Variants in ODF2 observed in about 807,000 individuals in gnomAD.
ODF2 encodes the protein outer dense fiber protein 2.
Under a neutral mutation model 110.2 loss-of-function variants are expected in ODF2, and 47 were observed. That is an observed-to-expected ratio of 0.43 (90% CI 0.34 to 0.54). ODF2 has a LOEUF of 0.54. Ranked by LOEUF, ODF2 falls within the 20% of genes least tolerant of loss-of-function variation. ODF2 has a pLI of 0.03. For synonymous variants in ODF2, 352 were observed against 397.7 expected (o/e 0.89, Z 1.37); for missense variants, 812 against 1,054.5 (o/e 0.77, Z 3.19).
chr9:128,457,060 C>T, intron 1 of ODF2: 1 of 1,313,734 alleles, frequency 7.6e-7, no homozygotes, highest in Non-Finnish European at 9.9e-7. Flanking sequence ...TCAGGTTTCC[C>T]CCGGTAGCCA....
At position 128,485,809 on chromosome 9, in the gene ODF2, C is replaced by T. The variant is rs1392254989; in HGVS notation, c.1400+335C>T. 6.6e-6 allele frequency among the ~76,000 whole-genome samples: 1 copy of T among 152,136 alleles called. No individual in the cohort carries two copies. The highest frequency in any genetic ancestry group is 6.5e-5 in the Admixed American group (1 of 15,270). Reference sequence around the variant, plus strand: ...TTTGAAATGGGCACCGTGGTGTCCTCATTCCTATTGGGGAATGGGGCAGAT... The same window carrying T: ...TTTGAAATGGGCACCGTGGTGTCCTTATTCCTATTGGGGAATGGGGCAGAT... On this transcript the variant is annotated intron_variant, in intron 13 of 20. Transcript: ENST00000604420. This position sits in a 1 kb window ranked among gnomAD's most constrained non-coding sequence, Gnocchi z 5.0.
At chr9:128,483,867 C>T (rs1842887093) in intron 10 of ODF2, 71 bp from the exon 11 acceptor site, 6 of 1,077,102 alleles carry the variant, frequency 5.6e-6, no homozygotes, top group South Asian at 3.7e-5. Context: ...GCCTGGGAAA[C>T]GGAGCAAGAC....
intron 19 of ODF2, 30 bp from the exon 20 acceptor site, chr9:128,498,971 A>G (rs748866111): frequency 6.2e-7 from 1 of 1,612,142 alleles, no homozygotes; most frequent in Non-Finnish European, 8.5e-7. Context: ...CCGGTAAACC[A>G]GTCTCATGTC....
chr9:128,455,900 G>A (rs1468183399), upstream of ODF2: 6 of 1,308,370 alleles, frequency 4.6e-6, no homozygotes, highest in East Asian at 2.8e-5. Flanking sequence ...AAACAGGGCC[G>A]AGCGGGAAAG....
chr9:128,495,448 G>A (rs994556791), intron 17 of ODF2, among the ~76,000 whole-genome samples: 15 of 152,240 alleles, frequency 9.9e-5, no homozygotes, highest in African/African-American at 3.4e-4. Context: ...GCTCTGTCTG[G>A]TTCCCAAGCC....
Position 128,494,394 on chromosome 9 carries a change from T to C in ODF2, c.1753-116T>C. 1.1e-6 allele frequency: 1 copy of C among 878,340 alleles called. No homozygotes were observed. The highest frequency in any genetic ancestry group is 1.7e-5 in the South Asian group (1 of 60,344). 54.4% of individuals were successfully genotyped at this position (878,340 alleles called of 1,614,324 possible). A position where few individuals can be genotyped will look rare whatever the true frequency, so the allele number is the denominator to read the frequency against. ...CTGTGGATTTTGCAGGATCCTCCAC[T>C]GGGGACTGTGTCAGCCCTGCCCTAA... is the stretch of plus-strand genomic sequence containing the variant. On this transcript the variant is annotated intron_variant, in intron 16 of 20. Transcript: ENST00000604420. The surrounding 1 kb of genome is among the most constrained non-coding windows in gnomAD (Gnocchi z 4.6).
At chr9:128,456,523 G>T (rs1459682851) in intron 1 of ODF2, 6 of 1,526,536 alleles carry the variant, frequency 3.9e-6, no homozygotes, top group Non-Finnish European at 5.3e-6. Flanking sequence ...CCGCCCGCGG[G>T]CAGGGCTTCA....
chr9:128,497,442 AAAAAATATATATATATATATATATATAT>A lies in ODF2; in HGVS notation c.2013-969_2013-942del, dbSNP rs1182679532. 13 of 83,228 alleles carry A rather than the reference AAAAAATATATATATATATATATATATAT, an allele frequency of 1.6e-4. 1 individual carries two copies. Among genetic ancestry groups the A allele is most frequent in the East Asian group, 1.1e-3 (3 of 2,718 alleles). The allele number at this position is 83,228 out of a possible 1,614,324, so 5.2% of individuals were successfully genotyped here. On this transcript the variant is annotated intron_variant, in intron 18 of 20. Coordinates refer to ENST00000604420, the Ensembl canonical transcript of ODF2. Reference sequence around the variant, plus strand: ...CTCTACTAAAAAAAAAAAAAAAAAAAAAAAATATATATATATATATATATATATATATATATATATATATGTATAAAAT... The same window carrying A: ...CTCTACTAAAAAAAAAAAAAAAAAAAATATATATATATATATGTATAAAAT...
At chr9:128,472,873 G>A (rs2131791658) in intron 6 of ODF2, 40 bp from the exon 7 acceptor site, 1 of 1,612,022 alleles carries the variant, frequency 6.2e-7, no homozygotes, top group East Asian at 2.2e-5. Flanking sequence ...GGGCATGCGG[G>A]GGCCTGGGAG....
chr9:128,492,824 G>A lies in ODF2; in HGVS notation c.1752+19G>A. 6.3e-7 allele frequency: 1 copy of A among 1,595,526 alleles called. No homozygotes were observed. Among genetic ancestry groups the A allele is most frequent in the South Asian group, 1.1e-5 (1 of 90,548 alleles). On this transcript the variant is annotated intron_variant, in intron 16 of 20. Transcript: ENST00000604420. ...TGAGGCGGTACTGCTTTCCTTCCTTGTTTTCTTCTCCTACCCAATTCCATA... is the reference window on the plus strand; with the variant it reads ...TGAGGCGGTACTGCTTTCCTTCCTTATTTTCTTCTCCTACCCAATTCCATA...
At chr9:128,473,827 G>A in intron 8 of ODF2, 86 bp downstream of exon 8, 1 of 1,322,464 alleles carries the variant, frequency 7.6e-7, no homozygotes, top group South Asian at 1.3e-5. Flanking sequence ...AAGAAAATAA[G>A]ATTGGTGCCC....
In ODF2 at chr9:128,484,039, G is replaced by A. The variant is rs147626439; in HGVS notation, c.1089G>A (p.Leu363=). Residue 363 remains leucine, a synonymous_variant, in exon 11 of 21, where the codon CTG becomes CTA. Transcript: ENST00000604420. ...CCAAAGAGGCTGAGAACAGTCGCCT[G>A]TGCATGCAGATTAAGGTACCTATTG... 9.3e-6 allele frequency: 15 copies of A among 1,611,370 alleles called. No individual in the cohort carries two copies. The African/African-American group carries it at 1.9e-4, about 20-fold the overall frequency.
chr9:128,466,713 C>CA (rs1838016303), intron 4 of ODF2, among the ~76,000 whole-genome samples: 1 of 149,490 alleles, frequency 6.7e-6, no homozygotes, highest in Admixed American at 6.7e-5. Flanking sequence ...CGTGGTGGCT[C>CA]ACGCCTGTAA....
At position 128,498,887 on chromosome 9, in the gene ODF2, A is replaced by T. The variant is rs543934892; in HGVS notation, c.2176-114A>T. 678 of 1,383,840 alleles carry T rather than the reference A, an allele frequency of 4.9e-4. 7 individuals are homozygous for T. The South Asian group carries it at 8.1e-3, about 17-fold the overall frequency. 85.7% of individuals were successfully genotyped at this position (1,383,840 alleles called of 1,614,324 possible). ...CCCAGCGTTCTAGAGAACACAGTCC[A>T]CAATGATGTGCAAGTGCTGTCTGCA... On this transcript the variant is annotated intron_variant, in intron 19 of 20. Transcript: ENST00000604420.
intron 9 of ODF2, 94 bp from the exon 10 acceptor site, chr9:128,482,722 C>T: frequency 5.7e-6 from 5 of 875,336 alleles, no homozygotes; most frequent in Non-Finnish European, 9.2e-6. Flanking sequence ...GGACCTTGGG[C>T]CCCAGTGGCC....
At chr9:128,474,330 A>G (rs1840750843) in intron 8 of ODF2, among the ~76,000 whole-genome samples, 1 of 152,018 alleles carries the variant, frequency 6.6e-6, no homozygotes, top group African/African-American at 2.4e-5. Context: ...CCATCTACTA[A>G]AAAAATACAA....
At chr9:128,458,175 G>C (rs1431371018) in intron 2 of ODF2, among the ~76,000 whole-genome samples, 1 of 152,064 alleles carries the variant, frequency 6.6e-6, no homozygotes, top group East Asian at 1.9e-4. Context: ...GGGGGGCCAG[G>C]TGCGGTGGCT....
At chr9:128,475,970 A>G (rs772192971) in intron 8 of ODF2, among the ~76,000 whole-genome samples, 1 of 151,944 alleles carries the variant, frequency 6.6e-6, no homozygotes, top group Non-Finnish European at 1.5e-5. Flanking sequence ...GGTTCCACAT[A>G]TAAATGAAGT....
intron 14 of ODF2, among the ~76,000 whole-genome samples, 192 bp from the exon 15 acceptor site, chr9:128,492,234 T>G (rs1370406145): frequency 1.3e-5 from 2 of 151,468 alleles, no homozygotes; most frequent in East Asian, 3.8e-4. Flanking sequence ...AAGTCATTTA[T>G]TTGCATCTCT....
Sources: gnomAD v4.1 joint callset for allele counts (sites outside exome capture counted in the v4.1 genomes callset) on GRCh38, gnomAD v4.1.1 for gene constraint, Gnocchi (gnomAD v3.1) non-coding constraint, MANE v1.5 for transcripts, NCBI Gene and HGNC (gene_info 2026-07-23, HGNC 2026-07-21) for gene names.